DPP10: variants seen among roughly 807,000 people sequenced by gnomAD.
The protein encoded by DPP10 is dipeptidyl peptidase like 10.
In DPP10, 33 loss-of-function variants were observed where a neutral mutation model predicts 120.9. The observed-to-expected ratio is 0.27, with a 90% CI of 0.21 to 0.37. The LOEUF (loss-of-function observed/expected upper bound fraction) is 0.37. Ranked by LOEUF, DPP10 falls within the 10% of genes least tolerant of loss-of-function variation. The pLI is 1.00. For missense variants in DPP10, 816 were observed against 942.8 expected, an observed-to-expected ratio of 0.87 and a Z score of 1.76; for synonymous variants, 337 against 326.1, an observed-to-expected ratio of 1.03 and a Z score of -0.36.
intron 1 of DPP10, among the ~76,000 whole-genome samples, chr2:114,727,958 A>G (rs1439118558): frequency 6.6e-6 from 1 of 152,196 alleles, no homozygotes; most frequent in Non-Finnish European, 1.5e-5. Context: ...CCAATTTTGG[A>G]TGGGGAAACT....
intron 5 of DPP10, among the ~76,000 whole-genome samples, chr2:115,637,897 CTA>C (rs2086477561): frequency 6.6e-6 from 1 of 152,116 alleles, no homozygotes; most frequent in African/African-American, 2.4e-5. Context: ...GTATCACATT[CTA>C]CTGGTATAAC....
At chr2:115,818,150 C>G (rs114468242) in intron 21 of DPP10, among the ~76,000 whole-genome samples, 1 of 152,154 alleles carries the variant, frequency 6.6e-6, no homozygotes, top group Non-Finnish European at 1.5e-5. Context: ...TAGTGATTAG[C>G]CATTTTATGA....
intron 3 of DPP10, among the ~76,000 whole-genome samples, chr2:115,349,468 G>T (rs535301778): frequency 1.3e-5 from 2 of 152,102 alleles, no homozygotes; most frequent in African/African-American, 4.8e-5. Flanking sequence ...AAAAAGAAAA[G>T]AAAAAAACTA....
At chr2:115,433,951 A>G (rs550386370) in intron 3 of DPP10, among the ~76,000 whole-genome samples, 3 of 152,084 alleles carry the variant, frequency 2.0e-5, no homozygotes, top group African/African-American at 7.2e-5. Context: ...GGTCTTCTCT[A>G]ACAGTCATTA....
chr2:114,822,048 A>G (rs1269483128), intron 1 of DPP10, among the ~76,000 whole-genome samples: 1 of 152,198 alleles, frequency 6.6e-6, no homozygotes, highest in Non-Finnish European at 1.5e-5. Flanking sequence ...TCCACCAGGC[A>G]GTGCCCAGTG....
At chr2:115,538,208 G>A (rs1398465573) in intron 5 of DPP10, among the ~76,000 whole-genome samples, 1 of 151,964 alleles carries the variant, frequency 6.6e-6, no homozygotes, top group Non-Finnish European at 1.5e-5. Context: ...TAAATTGCAT[G>A]AAGACTTGGA....
At chr2:114,854,184 A>G (rs1286062034) in intron 1 of DPP10, among the ~76,000 whole-genome samples, 1 of 152,190 alleles carries the variant, frequency 6.6e-6, no homozygotes, top group Non-Finnish European at 1.5e-5. Flanking sequence ...TTCCTCTCCT[A>G]TAATGCCTCA....
intron 5 of DPP10, among the ~76,000 whole-genome samples, chr2:115,610,204 G>T (rs1387745931): frequency 6.6e-6 from 1 of 151,976 alleles, no homozygotes; most frequent in Admixed American, 6.6e-5. Flanking sequence ...ACTACTGTTG[G>T]CATGAGGCCT....
At chr2:115,689,979 T>C in intron 7 of DPP10, 58 bp downstream of exon 7, 2 of 1,529,604 alleles carry the variant, frequency 1.3e-6, no homozygotes, top group Non-Finnish European at 1.8e-6. Context: ...ATGGAAGATG[T>C]TAACTGAAAC....
intron 1 of DPP10, among the ~76,000 whole-genome samples, chr2:114,743,002 G>A (rs563687530): frequency 1.6e-4 from 24 of 152,300 alleles, no homozygotes; most frequent in Non-Finnish European, 2.6e-4. Context: ...GTAACACCTT[G>A]AAATTCACTT....
At chr2:115,780,419 A>C (rs1447884925) in intron 15 of DPP10, among the ~76,000 whole-genome samples, 1 of 151,910 alleles carries the variant, frequency 6.6e-6, no homozygotes, top group Admixed American at 6.6e-5. Flanking sequence ...TAGAATGTTT[A>C]ATTTAGAAAA....
intron 19 of DPP10, among the ~76,000 whole-genome samples, chr2:115,799,975 G>C (rs1684995180): frequency 6.6e-6 from 1 of 151,632 alleles, no homozygotes; most frequent in Non-Finnish European, 1.5e-5. Flanking sequence ...GGGTCAAATG[G>C]TATTTCTAGT....
intron 17 of DPP10, among the ~76,000 whole-genome samples, chr2:115,785,091 CTT>C (rs1166855787): frequency 6.6e-6 from 1 of 152,120 alleles, no homozygotes; most frequent in Non-Finnish European, 1.5e-5. Context: ...CTATAGATGA[CTT>C]AGGTTCTGTT....
intron 1 of DPP10, among the ~76,000 whole-genome samples, chr2:114,564,699 G>C (rs939844383): frequency 1.3e-5 from 2 of 152,012 alleles, no homozygotes; most frequent in African/African-American, 4.8e-5. Flanking sequence ...AAAAAATTGG[G>C]GAGAAATGAG....
intron 1 of DPP10, among the ~76,000 whole-genome samples, chr2:114,527,024 A>G (rs938129903): frequency 6.6e-6 from 1 of 152,190 alleles, no homozygotes. Flanking sequence ...TTACTCTGGG[A>G]CATAGTCCAT....
At chr2:115,088,484 G>A (rs1040077971) in intron 1 of DPP10, among the ~76,000 whole-genome samples, 2 of 151,378 alleles carry the variant, frequency 1.3e-5, no homozygotes, top group African/African-American at 4.9e-5. Context: ...GGTCTTGCTG[G>A]GTCACCCAGG....
At chr2:115,590,190 T>G (rs979242524) in intron 5 of DPP10, among the ~76,000 whole-genome samples, 2 of 137,416 alleles carry the variant, frequency 1.5e-5, no homozygotes, top group African/African-American at 2.9e-5. Context: ...TATTATACTT[T>G]AAGTTCTAGG....
chr2:114,713,268 G>A (rs1318617411), intron 1 of DPP10, among the ~76,000 whole-genome samples: 10 of 152,204 alleles, frequency 6.6e-5, no homozygotes, highest in African/African-American at 1.4e-4. Flanking sequence ...GATTACAGGC[G>A]TGAGCCACCG....
intron 3 of DPP10, among the ~76,000 whole-genome samples, chr2:115,408,550 C>T (rs1374709456): frequency 6.6e-6 from 1 of 152,116 alleles, no homozygotes; most frequent in Non-Finnish European, 1.5e-5. Flanking sequence ...GTAACACTCT[C>T]AAAGGGACCA....
Sources: allele counts gnomAD v4.1 joint callset (sites outside exome capture counted in the v4.1 genomes callset), GRCh38; gene constraint gnomAD v4.1.1; transcripts MANE v1.5; gene names NCBI Gene and HGNC (gene_info 2026-07-23, HGNC 2026-07-21).